The following TTBK2 variants were observed in gnomAD, a reference collection of about 807,000 sequenced individuals.
The protein encoded by TTBK2 is tau-tubulin kinase 2.
A neutral mutation model predicts 110.8 loss-of-function variants in TTBK2; 28 were observed. The observed-to-expected ratio is 0.25, with a 90% CI of 0.19 to 0.35. The LOEUF (loss-of-function observed/expected upper bound fraction) is 0.35, where lower values mean the gene tolerates loss of function less well. Among genes scored for constraint, TTBK2 ranks in the 10% least tolerant of loss-of-function variants. The pLI is 1.00. For missense variants in TTBK2, 1,369 were observed against 1,500.3 expected (o/e 0.91, Z 1.45); for synonymous variants, 532 against 527.3 (o/e 1.01, Z -0.12).
At chr15:42,841,393 T>C (rs560089001) in intron 3 of TTBK2, among the ~76,000 whole-genome samples, 191 of 152,040 alleles carry the variant, frequency 1.3e-3, no homozygotes, top group African/African-American at 4.4e-3. Flanking sequence ...TATTTTTTTG[T>C]AGAGATGGGG....
intron 1 of TTBK2, among the ~76,000 whole-genome samples, chr15:42,883,659 T>C (rs1374575195): frequency 1.3e-5 from 2 of 151,480 alleles, no homozygotes; most frequent in African/African-American, 4.8e-5. Context: ...AATCCAAAAG[T>C]AGACAGAAAG....
In TTBK2 at chr15:42,775,577, G is replaced by T; in HGVS notation, c.1556C>A (p.Ala519Asp). Residue 519 changes from alanine to aspartate, a missense_variant, in exon 13 of 15, where the codon GCT becomes GAT. Physicochemically the swap from Ala to Asp is moderately radical, Grantham distance 126 (BLOSUM62 -2). Transcript: ENST00000267890. ...EEYLPDASKPASANTPEQADG... is the reference protein window; with the variant it reads ...EEYLPDASKPDSANTPEQADG... Reference sequence around the variant, plus strand: ...TGCCTGCTCAGGGGTGTTGGCAGAAGCAGGCTTGGAGGCATCTGGAAGATA... The same window carrying T: ...TGCCTGCTCAGGGGTGTTGGCAGAATCAGGCTTGGAGGCATCTGGAAGATA... 3 of 1,614,188 alleles carry T rather than the reference G, an allele frequency of 1.9e-6. No homozygotes were observed. The highest frequency in any genetic ancestry group is 2.5e-6 in the Non-Finnish European group (3 of 1,180,030).
chr15:42,880,091 T>C (rs533317887), intron 1 of TTBK2, among the ~76,000 whole-genome samples: 72 of 152,214 alleles, frequency 4.7e-4, no homozygotes, highest in Non-Finnish European at 8.8e-4. Context: ...GGTATAGTTT[T>C]GATTTTTGAA....
intron 3 of TTBK2, chr15:42,855,063 G>A (rs1384297457): frequency 6.6e-6 from 1 of 152,072 alleles, no homozygotes; most frequent in Non-Finnish European, 1.5e-5. Context: ...CAATTTAAAA[G>A]AAAATACAAA....
At chr15:42,860,933 G>C (rs181848597) in intron 3 of TTBK2, among the ~76,000 whole-genome samples, 4 of 152,220 alleles carry the variant, frequency 2.6e-5, no homozygotes, top group Admixed American at 6.5e-5. Context: ...ACAGGGATGA[G>C]CCACTGAGCC....
At chr15:42,810,776 C>T (rs1474964201) in intron 8 of TTBK2, 37 bp from the exon 9 acceptor site, 1 of 1,611,822 alleles carries the variant, frequency 6.2e-7, no homozygotes, top group African/African-American at 1.3e-5. Flanking sequence ...CAGTCAATTT[C>T]TCTTGGTGGT....
chr15:42,878,864 A>G (rs1224094044), intron 1 of TTBK2, among the ~76,000 whole-genome samples, 180 bp from the exon 2 acceptor site: 1 of 152,202 alleles, frequency 6.6e-6, no homozygotes, highest in Non-Finnish European at 1.5e-5. Context: ...GTATCTTTCT[A>G]TTACAGATGC....
chr15:42,790,946 C>T (rs1031753054), intron 10 of TTBK2, among the ~76,000 whole-genome samples: 1 of 151,974 alleles, frequency 6.6e-6, no homozygotes, highest in African/African-American at 2.4e-5. Context: ...TGCAGTGGCT[C>T]AATCTCAGCT....
chr15:42,855,111 C>T (rs1893876589), intron 3 of TTBK2: 1 of 152,158 alleles, frequency 6.6e-6, no homozygotes, highest in Non-Finnish European at 1.5e-5. Flanking sequence ...GAGTCTCACT[C>T]TGTTACCCAG....
intron 7 of TTBK2, among the ~76,000 whole-genome samples, chr15:42,814,408 T>C (rs1050786885): frequency 3.3e-5 from 5 of 152,010 alleles, no homozygotes; most frequent in African/African-American, 1.2e-4. Context: ...GCAAGACTGT[T>C]AATATGAAAA....
chr15:42,797,197 T>A (rs1027411713), intron 9 of TTBK2, among the ~76,000 whole-genome samples: 1 of 152,268 alleles, frequency 6.6e-6, no homozygotes, highest in African/African-American at 2.4e-5. Flanking sequence ...AGCCTTGCTA[T>A]GTGAGCACTT....
chr15:42,768,565 C>CTTA (rs1334419963), intron 13 of TTBK2, among the ~76,000 whole-genome samples: 2 of 152,132 alleles, frequency 1.3e-5, no homozygotes, highest in Non-Finnish European at 2.9e-5. Flanking sequence ...ATATGAAGGA[C>CTTA]CTCTTCAAGG....
chr15:42,781,975 A>T (rs1890199488), intron 11 of TTBK2, among the ~76,000 whole-genome samples: 1 of 152,144 alleles, frequency 6.6e-6, no homozygotes, highest in Non-Finnish European at 1.5e-5. Context: ...GTATAAGTAG[A>T]TTTTAAAAGA....
In TTBK2 at chr15:42,829,921, ATAGAAAAGGT is replaced by A; in HGVS notation, c.432+7_432+16del. ...GTATCAAACTCATTCTGTGCTCTGGATAGAAAAGGTCCCTACCGGTTTGATGTCTCGATGC... is the reference window on the plus strand; with the variant it reads ...GTATCAAACTCATTCTGTGCTCTGGACCCTACCGGTTTGATGTCTCGATGC... On this transcript the variant is annotated splice_region_variant and intron_variant, in intron 5 of 14. Coordinates refer to ENST00000267890, the MANE Select transcript of TTBK2 (RefSeq NM_173500.4). The A allele has an allele frequency of 6.2e-7, 1 of 1,613,994 alleles. No individual in the cohort carries two copies. The highest frequency in any genetic ancestry group is 1.1e-5 in the South Asian group (1 of 91,070).
At chr15:42,813,741 G>A (rs1891823483) in intron 7 of TTBK2, among the ~76,000 whole-genome samples, 2 of 150,114 alleles carry the variant, frequency 1.3e-5, no homozygotes, top group African/African-American at 5.0e-5. Flanking sequence ...AGCTACTCGG[G>A]AGGCTGAGGC....
At chr15:42,817,171 G>C in intron 6 of TTBK2, 74 bp from the exon 7 acceptor site, 1 of 1,224,284 alleles carries the variant, frequency 8.2e-7, no homozygotes, top group Non-Finnish European at 1.1e-6. Context: ...GAACCATGAA[G>C]TAAATGGAAG....
chr15:42,872,784 A>T, intron 2 of TTBK2, 26 bp from the exon 3 acceptor site: 1 of 1,611,696 alleles, frequency 6.2e-7, no homozygotes, highest in Non-Finnish European at 8.5e-7. Flanking sequence ...GAACACACAC[A>T]CTCTAAATTA....
chr15:42,915,197 T>G (rs893742134), intron 1 of TTBK2, among the ~76,000 whole-genome samples: 1 of 152,186 alleles, frequency 6.6e-6, no homozygotes, highest in Admixed American at 6.5e-5. Flanking sequence ...TATATTGTTT[T>G]GAGTATGGTG....
intron 3 of TTBK2, among the ~76,000 whole-genome samples, chr15:42,843,879 C>T (rs940290043): frequency 1.5e-4 from 23 of 151,918 alleles, no homozygotes; most frequent in African/African-American, 5.6e-4. Flanking sequence ...ACTGACACCA[C>T]CCAGGCGTCC....
Sources: gnomAD v4.1 joint callset for allele counts (sites outside exome capture counted in the v4.1 genomes callset) on GRCh38, gnomAD v4.1.1 for gene constraint, MANE v1.5 for transcripts, NCBI Gene and HGNC (gene_info 2026-07-23, HGNC 2026-07-21) for gene names.